Variants in SLC10A7 observed in about 807,000 individuals in gnomAD.
SLC10A7 encodes sodium/bile acid cotransporter 7.
Under a neutral mutation model 43.2 loss-of-function variants are expected in SLC10A7, and 29 were observed. The observed-to-expected ratio is 0.67, with a 90% CI of 0.50 to 0.92. The LOEUF is 0.92. SLC10A7 is among the 40% of genes least tolerant of loss of function. The probability of loss-of-function intolerance (pLI) is 0.00; values close to 1 mark genes in which losing one functional copy is unlikely to be tolerated. For missense variants in SLC10A7, 295 were observed against 403.2 expected (o/e 0.73, Z 2.30); for synonymous variants, 152 against 144.8 (o/e 1.05, Z -0.35).
chr4:146,374,195 T>G (rs1180634021), intron 5 of SLC10A7, among the ~76,000 whole-genome samples: 2 of 152,126 alleles, frequency 1.3e-5, no homozygotes, highest in African/African-American at 4.8e-5. Context: ...CCTCACAGCG[T>G]TTTGTCGAGA....
intron 4 of SLC10A7, among the ~76,000 whole-genome samples, chr4:146,445,198 C>G (rs866553729): frequency 6.6e-6 from 1 of 152,172 alleles, no homozygotes; most frequent in Non-Finnish European, 1.5e-5. Flanking sequence ...ACCCTTCCCC[C>G]TCTTCTACTT....
chr4:146,360,114 A>G (rs886439824), intron 5 of SLC10A7, among the ~76,000 whole-genome samples: 1 of 152,162 alleles, frequency 6.6e-6, no homozygotes, highest in Non-Finnish European at 1.5e-5. Flanking sequence ...CACCTGCTAC[A>G]TCTAATCAAC....
At chr4:146,291,919 C>T (rs889231842) in intron 9 of SLC10A7, among the ~76,000 whole-genome samples, 3 of 152,078 alleles carry the variant, frequency 2.0e-5, no homozygotes, top group Admixed American at 2.0e-4. Context: ...CTTTCTCTAA[C>T]CAAAAGTTCA....
chr4:146,309,988 T>G (rs1731848839), intron 6 of SLC10A7, among the ~76,000 whole-genome samples: 1 of 152,066 alleles, frequency 6.6e-6, no homozygotes, highest in Non-Finnish European at 1.5e-5. Context: ...CCCACTCTAT[T>G]AGTCCCCAGT....
chr4:146,384,039 G>A (rs879325028), intron 5 of SLC10A7, among the ~76,000 whole-genome samples: 5 of 151,612 alleles, frequency 3.3e-5, no homozygotes, highest in African/African-American at 9.7e-5. Flanking sequence ...CACATCAAAG[G>A]TATTGTATCA....
Position 146,382,929 on chromosome 4 carries a change from G to A in SLC10A7, c.436-56933C>T, listed in dbSNP as rs1036861950. 6.6e-4 allele frequency among the ~76,000 whole-genome samples: 101 copies of A among 151,946 alleles called. 2 individuals carry two copies. Among genetic ancestry groups the A allele is most frequent in the Non-Finnish European group, 7.4e-5 (5 of 67,958 alleles). ...TATATCAGTATTGGGGGTGGGGGGT[G>A]CAGAATATCATCAATATCGGTGAAA... On this transcript the variant is annotated intron_variant, in intron 5 of 11. Coordinates refer to ENST00000335472, the MANE Select transcript of SLC10A7 (RefSeq NM_001029998.6).
intron 7 of SLC10A7, 116 bp from the exon 8 acceptor site, chr4:146,294,211 A>G: frequency 1.3e-6 from 1 of 782,812 alleles, no homozygotes; most frequent in Non-Finnish European, 1.9e-6. Flanking sequence ...AATTTGGCTG[A>G]TGGCCACAGT....
intron 4 of SLC10A7, 41 bp from the exon 5 acceptor site, chr4:146,442,862 T>C: frequency 7.6e-7 from 1 of 1,309,412 alleles, no homozygotes; most frequent in Non-Finnish European, 1.1e-6. Flanking sequence ...TCATTGAAAG[T>C]AAATAAGAAT....
At chr4:146,385,603 G>A (rs973852058) in intron 5 of SLC10A7, among the ~76,000 whole-genome samples, 1 of 151,852 alleles carries the variant, frequency 6.6e-6, no homozygotes, top group Non-Finnish European at 1.5e-5. Flanking sequence ...TTTTTAACTC[G>A]AAATAACTTT....
chr4:146,354,263 A>T (rs1735384160), intron 5 of SLC10A7, among the ~76,000 whole-genome samples: 1 of 151,484 alleles, frequency 6.6e-6, no homozygotes, highest in African/African-American at 2.4e-5. Context: ...CAGAGAGCCA[A>T]ATCATGAGTG....
At chr4:146,406,473 T>C (rs902022964) in intron 5 of SLC10A7, among the ~76,000 whole-genome samples, 1 of 152,234 alleles carries the variant, frequency 6.6e-6, no homozygotes, top group Non-Finnish European at 1.5e-5. Context: ...CATGTCCTCA[T>C]CTATAAGCTC....
chr4:146,410,652 G>A (rs1325301541), intron 5 of SLC10A7, among the ~76,000 whole-genome samples: 1 of 152,036 alleles, frequency 6.6e-6, no homozygotes, highest in East Asian at 1.9e-4. Flanking sequence ...TCCAAGCATG[G>A]ATTACAATCC....
chr4:146,299,026 A>G (rs1730976625), intron 7 of SLC10A7, among the ~76,000 whole-genome samples: 1 of 152,248 alleles, frequency 6.6e-6, no homozygotes, highest in Admixed American at 6.5e-5. Context: ...ATAAATCACA[A>G]GTTGAATGAC....
At chr4:146,447,438 A>T (rs1192262186) in intron 4 of SLC10A7, among the ~76,000 whole-genome samples, 1 of 152,080 alleles carries the variant, frequency 6.6e-6, no homozygotes, top group African/African-American at 2.4e-5. Flanking sequence ...TTCTTTTGTT[A>T]TTATCTCCTT....
At chr4:146,287,760 T>C (rs778988428) in intron 9 of SLC10A7, among the ~76,000 whole-genome samples, 6 of 152,198 alleles carry the variant, frequency 3.9e-5, no homozygotes, top group African/African-American at 1.4e-4. Flanking sequence ...TCAAAAACTT[T>C]GTCTTTTGTG....
chr4:146,309,178 C>T (rs578195725), intron 6 of SLC10A7, among the ~76,000 whole-genome samples: 1 of 152,242 alleles, frequency 6.6e-6, no homozygotes, highest in African/African-American at 2.4e-5. Context: ...TCCAACACAT[C>T]CTCCAAAAAT....
intron 5 of SLC10A7, among the ~76,000 whole-genome samples, chr4:146,414,969 T>C (rs1728465076): frequency 6.6e-6 from 1 of 152,034 alleles, no homozygotes; most frequent in African/African-American, 2.4e-5. Context: ...AGAAAAAAAT[T>C]AAGCAATTTC....
At chr4:146,374,316 C>T (rs1306112271) in intron 5 of SLC10A7, among the ~76,000 whole-genome samples, 1 of 152,036 alleles carries the variant, frequency 6.6e-6, no homozygotes, top group African/African-American at 2.4e-5. Flanking sequence ...GGGCCAGGTG[C>T]GGTGGCTCAT....
intron 2 of SLC10A7, 150 bp downstream of exon 2, chr4:146,516,888 C>T (rs1738052137): frequency 1.7e-6 from 1 of 574,824 alleles, no homozygotes; most frequent in Admixed American, 2.7e-5. Flanking sequence ...AGGAATGAAA[C>T]ACAAGTCCTT....
Sources: gnomAD v4.1 joint callset for allele counts (sites outside exome capture counted in the v4.1 genomes callset) on GRCh38, gnomAD v4.1.1 for gene constraint, MANE v1.5 for transcripts, NCBI Gene and HGNC (gene_info 2026-07-23, HGNC 2026-07-21) for gene names.